The following SMC5 variants were observed in gnomAD, a reference collection of about 807,000 sequenced individuals.
SMC5 encodes the protein structural maintenance of chromosomes 5.
SMC5 carries 88 observed loss-of-function variants against 148.3 expected under a neutral mutation model. The ratio of observed to expected loss-of-function variants is 0.59; its 90% CI spans 0.50 to 0.71. The LOEUF is 0.71. Among genes scored for constraint, SMC5 ranks in the 30% least tolerant of loss-of-function variants. The probability of loss-of-function intolerance (pLI) is 0.00; values close to 1 mark genes in which losing one functional copy is unlikely to be tolerated. For missense variants in SMC5, 1,142 were observed against 1,298.9 expected, an observed-to-expected ratio of 0.88 and a Z score of 1.86; for synonymous variants, 421 against 432.8, an observed-to-expected ratio of 0.97 and a Z score of 0.34.
rs200628909 is a variant in SMC5 at position 70,277,489 on chromosome 9, T to C, written c.543+17T>C. The C allele has an allele frequency of 2.3e-4, 358 of 1,559,788 alleles. 2 individuals carry two copies. The African/African-American group carries it at 4.6e-3, about 20-fold the overall frequency. On this transcript the variant is annotated intron_variant, in intron 4 of 24. Coordinates refer to ENST00000361138, the MANE Select transcript of SMC5 (RefSeq NM_015110.4). ...CTCCCTCAGGTATGAGAGAAATAAA[T>C]GTAAAGATGGGAAAATTTTGTATAT...
Position 70,280,786 on chromosome 9 carries a change from C to G in SMC5, c.706C>G (p.Leu236Val). ...ETSCKEKTEY[L>V]QKMVQRNERY... is the part of the protein sequence containing the mutation. The stretch of plus-strand genomic sequence containing the variant: ...CTCATGCAAAGAGAAAACTGAGTAT[C>G]TACAGAAAATGGTTCAGAGGAATGA... The change falls in exon 6 of 25, where the codon CTA (leucine) becomes GTA (valine). Residue 236 changes from leucine to valine, a missense_variant. Leu to Val is a conservative substitution (Grantham distance 32). This residue lies in a region of SMC5 where 297 missense variants were observed against 302.6 expected (regional missense o/e 0.98). Transcript: ENST00000361138. 20 of 1,612,882 alleles carry G rather than the reference C, an allele frequency of 1.2e-5. No individual in the cohort carries two copies. Among genetic ancestry groups the G allele is most frequent in the Non-Finnish European group, 1.7e-5 (20 of 1,179,640 alleles).
chr9:70,315,728 C>T, intron 13 of SMC5, 150 bp downstream of exon 13: 1 of 565,074 alleles, frequency 1.8e-6, no homozygotes, highest in Non-Finnish European at 2.8e-6. Context: ...TAATTATTTT[C>T]CATATGACAT....
chr9:70,268,600 C>G (rs1242832365), intron 3 of SMC5, among the ~76,000 whole-genome samples: 2 of 149,788 alleles, frequency 1.3e-5, no homozygotes, highest in Non-Finnish European at 3.0e-5. Flanking sequence ...TTTAAAGTAT[C>G]TGGGTTTTTT....
At chr9:70,318,393 A>T in intron 13 of SMC5, 121 bp from the exon 14 acceptor site, 1 of 864,042 alleles carries the variant, frequency 1.2e-6, no homozygotes, top group Non-Finnish European at 1.7e-6. Flanking sequence ...GTCTAAAAAA[A>T]AAAAATGTAT....
rs1804877315 is a variant in SMC5 at position 70,352,728 on chromosome 9, A to G, written c.*397A>G. On this transcript the variant is annotated 3_prime_UTR_variant, in exon 25 of 25. Transcript: ENST00000361138. Reference sequence around the variant, plus strand: ...GAGCCTAAAGATGACTCTAGAGCCTAAGTCCTAGTTTCTCCCAATGTTATA... The same window carrying G: ...GAGCCTAAAGATGACTCTAGAGCCTGAGTCCTAGTTTCTCCCAATGTTATA... 6.3e-6 allele frequency: 1 copy of G among 157,908 alleles called. No homozygotes were observed. Among genetic ancestry groups the G allele is most frequent in the South Asian group, 2.0e-4 (1 of 5,102 alleles). 9.8% of individuals were successfully genotyped at this position (157,908 alleles called of 1,614,324 possible). A position where few individuals can be genotyped will look rare whatever the true frequency, so the allele number is the denominator to read the frequency against.
At chr9:70,267,547 C>T (rs902636412) in intron 2 of SMC5, among the ~76,000 whole-genome samples, 1 of 152,034 alleles carries the variant, frequency 6.6e-6, no homozygotes, top group Non-Finnish European at 1.5e-5. Context: ...ACTATAGGAC[C>T]TGTTTTCCCA....
chr9:70,303,881 A>G (rs1587667425), intron 10 of SMC5, among the ~76,000 whole-genome samples: 1 of 152,330 alleles, frequency 6.6e-6, no homozygotes, highest in East Asian at 1.9e-4. Flanking sequence ...TGTTTTGGAA[A>G]TAATCGATCT....
chr9:70,300,535 T>C (rs781350180), intron 10 of SMC5, among the ~76,000 whole-genome samples: 3 of 152,002 alleles, frequency 2.0e-5, no homozygotes, highest in Non-Finnish European at 4.4e-5. Flanking sequence ...GCTGAAGAGG[T>C]AGAATGCTGC....
intron 2 of SMC5, among the ~76,000 whole-genome samples, chr9:70,265,934 ATAG>A (rs1166010200): frequency 6.6e-6 from 1 of 152,218 alleles, no homozygotes; most frequent in Non-Finnish European, 1.5e-5. Flanking sequence ...GCTATCAATA[ATAG>A]TAGACCAGTC....
chr9:70,279,331 C>T (rs2034680873), intron 5 of SMC5, among the ~76,000 whole-genome samples: 1 of 151,966 alleles, frequency 6.6e-6, no homozygotes, highest in South Asian at 2.1e-4. Context: ...GCCTAGGCAA[C>T]AGGGAGACCC....
At chr9:70,326,030 G>A (rs2118669809) in intron 17 of SMC5, among the ~76,000 whole-genome samples, 1 of 152,068 alleles carries the variant, frequency 6.6e-6, no homozygotes, top group South Asian at 2.1e-4. Context: ...TTTATTTACA[G>A]ATATAAGAGA....
rs1013440720 is a variant in SMC5 at position 70,354,141 on chromosome 9, A to G, written c.*1810A>G. 3 of 152,244 alleles carry G rather than the reference A, an allele frequency of 2.0e-5. No homozygotes were observed. Among genetic ancestry groups the G allele is most frequent in the African/African-American group, 7.2e-5 (3 of 41,468 alleles). 9.4% of individuals were successfully genotyped at this position (152,244 alleles called of 1,614,324 possible). A position where few individuals can be genotyped will look rare whatever the true frequency, so the allele number is the denominator to read the frequency against. On this transcript the variant is annotated 3_prime_UTR_variant, in exon 25 of 25. Transcript: ENST00000361138. ...CATTGAATTTTGAGCTGTGAAGAAT[A>G]AATTATGTATCATTTTAGCATATTA...
At chr9:70,268,074 T>C (rs968033662) in intron 3 of SMC5, 99 bp downstream of exon 3, 9 of 828,222 alleles carry the variant, frequency 1.1e-5, no homozygotes, top group East Asian at 2.9e-5. Flanking sequence ...TATAGTATTA[T>C]GGCATAAATA....
chr9:70,286,307 G>A (rs763599006), intron 8 of SMC5, 36 bp downstream of exon 8: 9 of 1,362,658 alleles, frequency 6.6e-6, no homozygotes, highest in African/African-American at 1.5e-5. Flanking sequence ...TTACATTAAA[G>A]TTTGCTCTAA....
intron 17 of SMC5, among the ~76,000 whole-genome samples, chr9:70,342,268 T>G: frequency 7.0e-6 from 1 of 143,688 alleles, no homozygotes; most frequent in East Asian, 2.2e-4. Flanking sequence ...AGGGATAGCA[T>G]TGGGAGATAT....
At chr9:70,338,066 G>T (rs2036411923) in intron 17 of SMC5, among the ~76,000 whole-genome samples, 1 of 152,080 alleles carries the variant, frequency 6.6e-6, no homozygotes, top group Non-Finnish European at 1.5e-5. Flanking sequence ...CCAGGCTGAA[G>T]TGCGGTGGCA....
intron 1 of SMC5, among the ~76,000 whole-genome samples, chr9:70,260,171 C>G (rs1313332769): frequency 6.6e-6 from 1 of 152,042 alleles, no homozygotes; most frequent in Non-Finnish European, 1.5e-5. Flanking sequence ...GTGGCGCAAT[C>G]TCGGCTCACT....
chr9:70,333,257 A>G (rs763867309), intron 17 of SMC5, among the ~76,000 whole-genome samples: 2 of 152,224 alleles, frequency 1.3e-5, no homozygotes, highest in Non-Finnish European at 2.9e-5. Context: ...CCTACAAACA[A>G]TGAACAATTG....
Position 70,258,993 on chromosome 9 carries a change from G to C in SMC5, c.-86G>C. The C allele has an allele frequency of 7.0e-7, 1 of 1,434,464 alleles. No individual in the cohort carries two copies. The highest frequency in any genetic ancestry group is 1.5e-5 in the South Asian group (1 of 68,286). The allele number at this position is 1,434,464 out of a possible 1,614,324, so 88.9% of individuals were successfully genotyped here. On this transcript the variant is annotated 5_prime_UTR_variant, in exon 1 of 25. Coordinates refer to ENST00000361138, the MANE Select transcript of SMC5 (RefSeq NM_015110.4). ...AGTTCGCGGCAGTTCGCGCGGGAGCGGGGCGCCTGGGTGGATGGGCGCTTG... is the reference window on the plus strand; with the variant it reads ...AGTTCGCGGCAGTTCGCGCGGGAGCCGGGCGCCTGGGTGGATGGGCGCTTG...
Sources: gnomAD v4.1 joint callset for allele counts (sites outside exome capture counted in the v4.1 genomes callset) on GRCh38, gnomAD v4.1.1 for gene constraint, gnomAD v4.1.1 regional missense constraint, MANE v1.5 for transcripts, NCBI Gene and HGNC (gene_info 2026-07-23, HGNC 2026-07-21) for gene names.